DOCK3: variants seen among roughly 807,000 people sequenced by gnomAD.
DOCK3 encodes dedicator of cytokinesis protein 3.
In DOCK3, 60 loss-of-function variants were observed where a neutral mutation model predicts 265.6. The ratio of observed to expected loss-of-function variants is 0.23; its 90% CI spans 0.18 to 0.28. The LOEUF (loss-of-function observed/expected upper bound fraction) is 0.28. Among genes scored for constraint, DOCK3 ranks in the 10% least tolerant of loss-of-function variants. The pLI is 1.00. For synonymous variants in DOCK3, 881 were observed against 938.0 expected (o/e 0.94, Z 1.11); for missense variants, 1,981 against 2,594.3 (o/e 0.76, Z 5.14).
chr3:50,862,562 C>G (rs1278551897), intron 3 of DOCK3, among the ~76,000 whole-genome samples: 3 of 152,200 alleles, frequency 2.0e-5, no homozygotes, highest in African/African-American at 7.2e-5. Flanking sequence ...TGTCATTGTT[C>G]AGTGGGAATG....
In DOCK3 at chr3:50,862,871, C is replaced by A. The variant is rs111670376; in HGVS notation, c.162+21156C>A. ...CTCACATTCAGCAAGGGTGGAGCCACCATGAAAAGCACAAACCACAAACAA... is the reference window on the plus strand; with the variant it reads ...CTCACATTCAGCAAGGGTGGAGCCAACATGAAAAGCACAAACCACAAACAA... On this transcript the variant is annotated intron_variant, in intron 3 of 52. Coordinates refer to ENST00000266037, the MANE Select transcript of DOCK3 (RefSeq NM_004947.5). Among the ~76,000 whole-genome samples the A allele has an allele frequency of 3.5e-5, 5 of 144,414 alleles. 2 individuals carry two copies. Among genetic ancestry groups the A allele is most frequent in the African/African-American group, 1.3e-4 (5 of 37,078 alleles). 94.7% of individuals were successfully genotyped at this position (144,414 alleles called of 152,430 possible). A position where few individuals can be genotyped will look rare whatever the true frequency, so the allele number is the denominator to read the frequency against.
chr3:51,358,832 G>T (rs899690878), intron 46 of DOCK3, among the ~76,000 whole-genome samples: 4 of 152,210 alleles, frequency 2.6e-5, no homozygotes, highest in African/African-American at 9.6e-5. Flanking sequence ...GTATTCCTTG[G>T]CAGGGTCTTA....
At chr3:50,929,493 C>A (rs1165484087) in intron 4 of DOCK3, among the ~76,000 whole-genome samples, 1 of 152,182 alleles carries the variant, frequency 6.6e-6, no homozygotes, top group Non-Finnish European at 1.5e-5. Flanking sequence ...AAACTTCAAC[C>A]AGTGAATCTG....
intron 1 of DOCK3, among the ~76,000 whole-genome samples, chr3:50,681,842 T>TA (rs1435754069): frequency 1.3e-5 from 2 of 152,230 alleles, no homozygotes; most frequent in Admixed American, 6.5e-5. Flanking sequence ...ATAGAAGAAT[T>TA]AGAGTGTGAT....
At chr3:50,684,535 C>G (rs2034643367) in intron 1 of DOCK3, among the ~76,000 whole-genome samples, 1 of 152,194 alleles carries the variant, frequency 6.6e-6, no homozygotes, top group South Asian at 2.1e-4. Flanking sequence ...TGGCTAAGTT[C>G]AGATGACAGA....
intron 1 of DOCK3, among the ~76,000 whole-genome samples, chr3:50,732,159 CAT>C (rs1296520798): frequency 4.6e-5 from 7 of 151,982 alleles, no homozygotes; most frequent in Admixed American, 2.0e-4. Context: ...CCAAACACCA[CAT>C]ATATATTCAC....
At chr3:51,050,871 T>C (rs1285559677) in intron 5 of DOCK3, among the ~76,000 whole-genome samples, 2 of 152,244 alleles carry the variant, frequency 1.3e-5, no homozygotes, top group African/African-American at 4.8e-5. Flanking sequence ...CAAGTTAACA[T>C]ATTAACCATC....
intron 12 of DOCK3, among the ~76,000 whole-genome samples, chr3:51,171,686 A>T (rs1346668313): frequency 6.6e-6 from 1 of 150,764 alleles, no homozygotes; most frequent in Non-Finnish European, 1.5e-5. Context: ...ACTGCACTCC[A>T]GCCTGGGCGA....
In DOCK3 at chr3:50,805,425, A is replaced by T. The variant is rs1006559197; in HGVS notation, c.121+26667A>T. Among the ~76,000 whole-genome samples, 16 of 152,292 alleles carry T rather than the reference A, an allele frequency of 1.1e-4. 1 individual carries two copies. The highest frequency in any genetic ancestry group is 7.2e-4 in the Admixed American group (11 of 15,300). Reference sequence around the variant, plus strand: ...GGTATGGTCAGCTGGGGTTGGGGCCATGAGCCATTCCTCTGGCTTTGAACA... The same window carrying T: ...GGTATGGTCAGCTGGGGTTGGGGCCTTGAGCCATTCCTCTGGCTTTGAACA... On this transcript the variant is annotated intron_variant, in intron 2 of 52. Transcript: ENST00000266037.
chr3:51,099,535 C>G (rs550584842), intron 9 of DOCK3, among the ~76,000 whole-genome samples: 7 of 152,176 alleles, frequency 4.6e-5, no homozygotes, highest in African/African-American at 1.7e-4. Context: ...ATGACTGATG[C>G]GTCTCACATA....
Position 51,107,490 on chromosome 3 carries a change from G to A in DOCK3, c.746+17106G>A, listed in dbSNP as rs535733008. ...TAAAACAATACAGGAGCTGACAGAC[G>A]AAATAGCCAGTATAGAAAAGAACAT... On this transcript the variant is annotated intron_variant, in intron 9 of 52. Coordinates refer to ENST00000266037, the MANE Select transcript of DOCK3 (RefSeq NM_004947.5). Among the ~76,000 whole-genome samples, 733 of 152,304 alleles carry A rather than the reference G, an allele frequency of 4.8e-3. 4 individuals carry two copies. Among genetic ancestry groups the A allele is most frequent in the Non-Finnish European group, 7.7e-3 (521 of 68,028 alleles).
At chr3:50,896,547 A>G (rs1051342740) in intron 4 of DOCK3, among the ~76,000 whole-genome samples, 2 of 152,144 alleles carry the variant, frequency 1.3e-5, no homozygotes, top group Non-Finnish European at 2.9e-5. Context: ...TGTTTTAGTC[A>G]TGAAATCTTT....
rs1279264690 is a variant in DOCK3, at chr3:51,227,436, C to T, written c.1531C>T (p.His511Tyr). 2 of 1,613,648 alleles carry T rather than the reference C, an allele frequency of 1.2e-6. No homozygotes were observed. Among genetic ancestry groups the T allele is most frequent in the South Asian group, 1.1e-5 (1 of 91,078 alleles). Reference sequence around the variant, plus strand: ...CTCCCACCTGCGCTTTGAGTTCAGACATTGTTCCAGTGAGTTAGACTTCCC... The same window carrying T: ...CTCCCACCTGCGCTTTGAGTTCAGATATTGTTCCAGTGAGTTAGACTTCCC... ...RGSHLRFEFR[H>Y]CSTKDKGEKK... The change falls in exon 16 of 53, where the codon CAT becomes TAT. Residue 511 changes from histidine to tyrosine, a missense_variant. Physicochemically the swap from His to Tyr is moderately conservative, Grantham distance 83. Around this residue, in one of 4 missense-constraint regions of DOCK3, gnomAD observed 1,357 missense variants for 1,866.8 expected, o/e 0.73. Transcript: ENST00000266037.
At chr3:50,766,563 A>G (rs1231959134) in intron 1 of DOCK3, among the ~76,000 whole-genome samples, 2 of 152,142 alleles carry the variant, frequency 1.3e-5, no homozygotes, top group African/African-American at 2.4e-5. Flanking sequence ...AGCTATTGTG[A>G]ATAGTGCCGC....
At chr3:51,286,058 C>T (rs2081387188) in intron 27 of DOCK3, among the ~76,000 whole-genome samples, 1 of 152,142 alleles carries the variant, frequency 6.6e-6, no homozygotes, top group African/African-American at 2.4e-5. Flanking sequence ...TAATTCTATA[C>T]CTAGGAAACT....
At chr3:50,728,982 C>A (rs1320093993) in intron 1 of DOCK3, among the ~76,000 whole-genome samples, 10 of 146,004 alleles carry the variant, frequency 6.8e-5, no homozygotes, top group Admixed American at 2.0e-4. Flanking sequence ...CCTCGGCCTC[C>A]CAAAGTGCTG....
intron 32 of DOCK3, among the ~76,000 whole-genome samples, chr3:51,321,297 C>T (rs538424982): frequency 2.0e-5 from 3 of 152,264 alleles, no homozygotes; most frequent in Admixed American, 2.0e-4. Context: ...ACAAAAAGGA[C>T]GTCCACACAG....
At chr3:50,774,180 T>TA (rs2041452664) in intron 1 of DOCK3, among the ~76,000 whole-genome samples, 1 of 152,026 alleles carries the variant, frequency 6.6e-6, no homozygotes, top group Non-Finnish European at 1.5e-5. Context: ...AGAGGCTTGA[T>TA]ATCAGTATAT....
At chr3:51,159,718 C>T (rs1442589896) in intron 11 of DOCK3, among the ~76,000 whole-genome samples, 1 of 152,146 alleles carries the variant, frequency 6.6e-6, no homozygotes. Flanking sequence ...GTATCTGTGG[C>T]TCTCTCCACA....
Sources: gnomAD v4.1 joint callset for allele counts (sites outside exome capture counted in the v4.1 genomes callset) on GRCh38, gnomAD v4.1.1 for gene constraint, gnomAD v4.1.1 regional missense constraint, MANE v1.5 for transcripts, NCBI Gene and HGNC (gene_info 2026-07-23, HGNC 2026-07-21) for gene names.